The following SENP7 variants were observed in gnomAD, a reference collection of about 807,000 sequenced individuals.
SENP7 encodes the protein sentrin-specific protease 7.
SENP7 carries 64 observed loss-of-function variants against 141.2 expected under a neutral mutation model. The observed-to-expected ratio is 0.45, with a 90% CI of 0.37 to 0.56. The LOEUF (loss-of-function observed/expected upper bound fraction) is 0.56, where lower values mean the gene tolerates loss of function less well. SENP7 is among the 20% of genes least tolerant of loss of function. The pLI, the probability that SENP7 is intolerant of heterozygous loss-of-function variation, is 0.00. For missense variants in SENP7, 1,025 were observed against 1,212.2 expected (o/e 0.85, Z 2.29); for synonymous variants, 382 against 426.4 (o/e 0.90, Z 1.28).
intron 2 of SENP7, 150 bp from the exon 3 acceptor site, chr3:101,494,118 T>A (rs1414538351): frequency 2.4e-6 from 1 of 416,804 alleles, no homozygotes. Flanking sequence ...TACAATTAAA[T>A]ATAATTTTAT....
At chr3:101,407,075 C>G (rs979299195) in intron 5 of SENP7, among the ~76,000 whole-genome samples, 9 of 152,164 alleles carry the variant, frequency 5.9e-5, no homozygotes, top group Admixed American at 4.6e-4. Context: ...AGCTCTAAAC[C>G]TTAAAACAAA....
intron 6 of SENP7, among the ~76,000 whole-genome samples, chr3:101,388,722 C>A (rs1367699634): frequency 6.7e-6 from 1 of 149,254 alleles, no homozygotes; most frequent in Non-Finnish European, 1.5e-5. Flanking sequence ...TATAAGAGAA[C>A]ACAAATAAAT....
At chr3:101,487,536 G>C (rs1394200730) in intron 3 of SENP7, among the ~76,000 whole-genome samples, 1 of 152,038 alleles carries the variant, frequency 6.6e-6, no homozygotes, top group Non-Finnish European at 1.5e-5. Flanking sequence ...TCTTTGCCAA[G>C]GCTGATAACA....
chr3:101,480,187 T>C (rs1020874214), intron 3 of SENP7, among the ~76,000 whole-genome samples: 1 of 152,052 alleles, frequency 6.6e-6, no homozygotes, highest in African/African-American at 2.4e-5. Context: ...CTAAAATTTG[T>C]ATGGAAACAA....
intron 5 of SENP7, among the ~76,000 whole-genome samples, chr3:101,416,538 T>C (rs1287592864): frequency 2.6e-5 from 4 of 152,196 alleles, no homozygotes; most frequent in Non-Finnish European, 4.4e-5. Flanking sequence ...TGCTAGAACA[T>C]AGAATGAGAG....
intron 6 of SENP7, among the ~76,000 whole-genome samples, chr3:101,394,685 CT>C (rs1369004368): frequency 2.0e-5 from 3 of 151,426 alleles, no homozygotes; most frequent in Admixed American, 6.6e-5. Flanking sequence ...TTTTTTGTTT[CT>C]TTTTTTTAAT....
chr3:101,449,998 A>G (rs1187158892), intron 4 of SENP7, among the ~76,000 whole-genome samples: 1 of 152,196 alleles, frequency 6.6e-6, no homozygotes, highest in African/African-American at 2.4e-5. Context: ...CATAGGCTCA[A>G]AATAAAGGGA....
At chr3:101,499,159 G>A (rs1272213769) in intron 2 of SENP7, among the ~76,000 whole-genome samples, 1 of 152,036 alleles carries the variant, frequency 6.6e-6, no homozygotes, top group East Asian at 1.9e-4. Flanking sequence ...AAAAGTTTAA[G>A]AAACACTGTA....
In SENP7 at chr3:101,366,783, C is replaced by A. The variant is rs1559725841; in HGVS notation, c.979-14G>T. The A allele has an allele frequency of 1.3e-6, 2 of 1,515,568 alleles. No homozygotes were observed. The highest frequency in any genetic ancestry group is 1.8e-6 in the Non-Finnish European group (2 of 1,127,586). 93.9% of individuals were successfully genotyped at this position (1,515,568 alleles called of 1,614,324 possible). A position where few individuals can be genotyped will look rare whatever the true frequency, so the allele number is the denominator to read the frequency against. On this transcript the variant is annotated splice_polypyrimidine_tract_variant and intron_variant, in intron 8 of 23. Transcript: ENST00000394095. ...TTCTTGTTTTTTCTAAACATAAACA[C>A]ATAGAAAAAAATAGCATTTTTCAAA... is the stretch of plus-strand genomic sequence containing the variant.
chr3:101,359,054 A>G (rs1172695862), intron 11 of SENP7: 1 of 152,200 alleles, frequency 6.6e-6, no homozygotes, highest in Non-Finnish European at 1.5e-5. Flanking sequence ...TTAAAAAAAA[A>G]AGTTATACTA....
chr3:101,450,028 C>T (rs1211126122), intron 4 of SENP7, among the ~76,000 whole-genome samples: 2 of 152,108 alleles, frequency 1.3e-5, no homozygotes, highest in East Asian at 3.9e-4. Flanking sequence ...ATCTACCAAG[C>T]AAATGGAAAA....
At chr3:101,439,375 G>C (rs1365723744) in intron 4 of SENP7, among the ~76,000 whole-genome samples, 6 of 25,392 alleles carry the variant, frequency 2.4e-4, no homozygotes, top group South Asian at 1.4e-3. Flanking sequence ...TCTCCGCCGG[G>C]CAGCCACCCC....
At chr3:101,405,010 A>C (rs889070363) in intron 5 of SENP7, among the ~76,000 whole-genome samples, 22 of 152,140 alleles carry the variant, frequency 1.4e-4, no homozygotes, top group Admixed American at 2.0e-4. Context: ...CAGAATTGGG[A>C]ACAAAAGGGG....
intron 1 of SENP7, among the ~76,000 whole-genome samples, chr3:101,511,386 A>G (rs1039416862): frequency 1.3e-5 from 2 of 152,208 alleles, no homozygotes; most frequent in Non-Finnish European, 2.9e-5. Context: ...GCATTTATTT[A>G]AAAAAGGTTG....
chr3:101,417,275 G>A (rs137898447), intron 5 of SENP7, among the ~76,000 whole-genome samples: 102 of 151,910 alleles, frequency 6.7e-4, no homozygotes, highest in African/African-American at 2.4e-3. Flanking sequence ...ATACACACAC[G>A]TATATATATG....
intron 6 of SENP7, among the ~76,000 whole-genome samples, chr3:101,382,114 A>C (rs2060519037): frequency 6.6e-6 from 1 of 152,326 alleles, no homozygotes; most frequent in Non-Finnish European, 1.5e-5. Flanking sequence ...ATCCCTGCTG[A>C]GTGGCTAGCT....
chr3:101,434,551 A>G (rs1474957873), intron 4 of SENP7, among the ~76,000 whole-genome samples: 1 of 152,066 alleles, frequency 6.6e-6, no homozygotes, highest in East Asian at 1.9e-4. Context: ...AAACAAAAAG[A>G]GAAAATACAA....
intron 6 of SENP7, among the ~76,000 whole-genome samples, chr3:101,373,029 C>T (rs1394016472): frequency 1.3e-5 from 2 of 151,856 alleles, no homozygotes; most frequent in Non-Finnish European, 2.9e-5. Context: ...ACCAATTACA[C>T]GTAATGCTTC....
At chr3:101,507,011 T>C (rs1014502108) in intron 1 of SENP7, among the ~76,000 whole-genome samples, 1 of 146,938 alleles carries the variant, frequency 6.8e-6, no homozygotes, top group Non-Finnish European at 1.5e-5. Flanking sequence ...CATTGAGCTA[T>C]GATCGTGCCA....
Sources: gnomAD v4.1 joint callset for allele counts (sites outside exome capture counted in the v4.1 genomes callset) on GRCh38, gnomAD v4.1.1 for gene constraint, MANE v1.5 for transcripts, NCBI Gene and HGNC (gene_info 2026-07-23, HGNC 2026-07-21) for gene names.